ADAMTSL3: variants seen among roughly 807,000 people sequenced by gnomAD.
ADAMTSL3 encodes the protein ADAMTS like 3.
In ADAMTSL3, 128 loss-of-function variants were observed where a neutral mutation model predicts 201.7. The ratio of observed to expected loss-of-function variants is 0.63; its 90% confidence interval spans 0.55 to 0.73. The LOEUF (loss-of-function observed/expected upper bound fraction) is 0.73. Among genes scored for constraint, ADAMTSL3 ranks in the 30% least tolerant of loss-of-function variants. The pLI, the probability that ADAMTSL3 is intolerant of heterozygous loss-of-function variation, is 0.00. For synonymous variants in ADAMTSL3, 738 were observed against 748.4 expected (o/e 0.99, Z 0.23); for missense variants, 1,990 against 2,119.6 (o/e 0.94, Z 1.20).
intron 4 of ADAMTSL3, among the ~76,000 whole-genome samples, chr15:83,780,537 C>G (rs1433648530): frequency 6.6e-6 from 1 of 152,124 alleles, no homozygotes; most frequent in African/African-American, 2.4e-5. Context: ...GAAGCATTCC[C>G]CTTGAATACC....
intron 13 of ADAMTSL3, among the ~76,000 whole-genome samples, chr15:83,897,413 A>G (rs1596372757): frequency 2.6e-5 from 4 of 152,166 alleles, no homozygotes; most frequent in Admixed American, 2.6e-4. Context: ...TGACTTCTAT[A>G]GACAGAATAG....
At chr15:83,764,106 T>C (rs546200185) in intron 3 of ADAMTSL3, among the ~76,000 whole-genome samples, 1 of 152,308 alleles carries the variant, frequency 6.6e-6, no homozygotes, top group African/African-American at 2.4e-5. Context: ...TGCCAGCTCC[T>C]ATTGATTCCA....
chr15:84,034,208 C>G (rs1318991499), intron 28 of ADAMTSL3, among the ~76,000 whole-genome samples: 1 of 152,090 alleles, frequency 6.6e-6, no homozygotes, highest in Non-Finnish European at 1.5e-5. Context: ...CCCCACAGAC[C>G]TCTTCTGCTG....
chr15:83,668,146 T>G (rs1369139585), intron 2 of ADAMTSL3, among the ~76,000 whole-genome samples: 1 of 151,734 alleles, frequency 6.6e-6, no homozygotes, highest in East Asian at 1.9e-4. Context: ...CTAGACAAAA[T>G]ATACACCCAA....
Position 83,963,034 on chromosome 15 carries a change from T to C in ADAMTSL3, c.2491-7450T>C, listed in dbSNP as rs147031964. 1.4e-4 allele frequency among the ~76,000 whole-genome samples: 21 copies of C among 152,278 alleles called. No homozygotes were observed. In the East Asian group the frequency reaches 3.9e-3, roughly 28 times the overall value. Reference sequence around the variant, plus strand: ...TCTTTACAACCCACAAACCAGGAGATTCCCCCGGGTGCCTACACCACCAGG... The same window carrying C: ...TCTTTACAACCCACAAACCAGGAGACTCCCCCGGGTGCCTACACCACCAGG... On this transcript the variant is annotated intron_variant, in intron 19 of 29. Coordinates refer to ENST00000286744, the MANE Select transcript of ADAMTSL3 (RefSeq NM_207517.3).
chr15:83,684,984 A>G (rs1320985618), intron 2 of ADAMTSL3, among the ~76,000 whole-genome samples: 1 of 152,182 alleles, frequency 6.6e-6, no homozygotes, highest in Non-Finnish European at 1.5e-5. Flanking sequence ...TCCTAGTTGT[A>G]CCATATTATC....
intron 19 of ADAMTSL3, among the ~76,000 whole-genome samples, chr15:83,966,406 G>A (rs1468460097): frequency 6.6e-5 from 10 of 152,130 alleles, no homozygotes; most frequent in Non-Finnish European, 7.4e-5. Context: ...ACACCTCTAC[G>A]CAAATAAGCT....
intron 16 of ADAMTSL3, among the ~76,000 whole-genome samples, chr15:83,915,078 T>C (rs1175752269): frequency 2.6e-5 from 4 of 152,192 alleles, no homozygotes; most frequent in Non-Finnish European, 5.9e-5. Flanking sequence ...GCCAGCTGTC[T>C]CCATTGCTTC....
intron 27 of ADAMTSL3, among the ~76,000 whole-genome samples, chr15:84,027,828 A>C (rs1054274203): frequency 6.6e-6 from 1 of 152,164 alleles, no homozygotes; most frequent in African/African-American, 2.4e-5. Context: ...CCCAAATAAC[A>C]ACACCCCATA....
Position 83,710,923 on chromosome 15 carries a change from G to A in ADAMTSL3, c.189+6415G>A, listed in dbSNP as rs889732584. Among the ~76,000 whole-genome samples, 6 of 152,252 alleles carry A rather than the reference G, an allele frequency of 3.9e-5. No homozygotes were observed. In the South Asian group the frequency reaches 8.3e-4, roughly 21 times the overall value. On this transcript the variant is annotated intron_variant, in intron 3 of 29. Transcript: ENST00000286744. Reference sequence around the variant, plus strand: ...CAGGCAGTAGCAAAGCCAAGTGCCCGTTCTTTGCCCTTAAGCTCAGTTAAG... The same window carrying A: ...CAGGCAGTAGCAAAGCCAAGTGCCCATTCTTTGCCCTTAAGCTCAGTTAAG...
chr15:83,918,523 G>A (rs4842839), intron 16 of ADAMTSL3, among the ~76,000 whole-genome samples: 21,118 of 152,216 alleles, frequency 0.14, 1,908 homozygotes, highest in Middle Eastern at 0.33. Flanking sequence ...GGGTTTGGAG[G>A]GGGTGGCACA....
intron 2 of ADAMTSL3, among the ~76,000 whole-genome samples, chr15:83,662,848 A>G (rs766466798): frequency 1.8e-4 from 27 of 152,150 alleles, no homozygotes; most frequent in Non-Finnish European, 3.2e-4. Flanking sequence ...GATAAGGGCT[A>G]TCAGCTCTTT....
At chr15:84,005,748 C>T (rs529390104) in intron 23 of ADAMTSL3, among the ~76,000 whole-genome samples, 186 of 152,226 alleles carry the variant, frequency 1.2e-3, no homozygotes, top group African/African-American at 4.2e-3. Context: ...CAGTTCAAAA[C>T]CTTTAGGGAA....
At chr15:83,984,564 A>C (rs772451801) in intron 21 of ADAMTSL3, among the ~76,000 whole-genome samples, 12 of 152,198 alleles carry the variant, frequency 7.9e-5, no homozygotes, top group African/African-American at 1.4e-4. Flanking sequence ...ATGATTGAGG[A>C]GCCTAAAGAG....
At chr15:83,882,845 G>T (rs2065301756) in intron 9 of ADAMTSL3, among the ~76,000 whole-genome samples, 1 of 151,950 alleles carries the variant, frequency 6.6e-6, no homozygotes, top group Non-Finnish European at 1.5e-5. Flanking sequence ...TAACTTTTAG[G>T]ATTTTTGTTT....
intron 25 of ADAMTSL3, among the ~76,000 whole-genome samples, chr15:84,018,593 A>G (rs2068132714): frequency 1.3e-5 from 2 of 152,166 alleles, no homozygotes; most frequent in Non-Finnish European, 2.9e-5. Context: ...GTGCAGAAAA[A>G]TGAGAAAGAA....
At chr15:84,016,664 T>C (rs2068092441) in intron 25 of ADAMTSL3, among the ~76,000 whole-genome samples, 165 bp downstream of exon 25, 1 of 152,222 alleles carries the variant, frequency 6.6e-6, no homozygotes, top group African/African-American at 2.4e-5. Flanking sequence ...GTTCAACTTA[T>C]TCTTTCCATA....
intron 17 of ADAMTSL3, among the ~76,000 whole-genome samples, chr15:83,939,300 G>A (rs1372235213): frequency 2.6e-5 from 4 of 151,760 alleles, no homozygotes; most frequent in Admixed American, 2.6e-4. Context: ...TGCCTTAAAT[G>A]TTTAGTAGAA....
intron 6 of ADAMTSL3, among the ~76,000 whole-genome samples, chr15:83,823,065 C>T (rs1034141605): frequency 1.2e-4 from 18 of 151,784 alleles, no homozygotes; most frequent in Admixed American, 3.3e-4. Flanking sequence ...CGTGGCGGCG[C>T]GCGCCTGCAA....
Sources: allele counts gnomAD v4.1 joint callset (sites outside exome capture counted in the v4.1 genomes callset), GRCh38; gene constraint gnomAD v4.1.1; transcripts MANE v1.5; gene names NCBI Gene and HGNC (gene_info 2026-07-23, HGNC 2026-07-21).